Variants in ZNF71 observed in about 807,000 individuals in gnomAD.
ZNF71 encodes the protein endothelial zinc finger protein induced by tumor necrosis factor alpha.
A neutral mutation model predicts 6.7 loss-of-function variants in ZNF71; 3 were observed. The observed-to-expected ratio is 0.45, with a 90% CI of 0.20 to 1.16. The LOEUF (loss-of-function observed/expected upper bound fraction) is 1.16. ZNF71 is among the 50% of genes most tolerant of loss of function. The pLI is 0.25. For missense variants in ZNF71, 688 were observed against 728.6 expected (o/e 0.94, Z 0.64); for synonymous variants, 343 against 311.1 (o/e 1.10, Z -1.08).
In ZNF71 at chr19:56,595,338, T is replaced by A. The variant is rs1055101170; in HGVS notation, c.-143T>A. On this transcript the variant is annotated 5_prime_UTR_variant, in exon 1 of 4. Coordinates refer to ENST00000599599, the MANE Select transcript of ZNF71 (RefSeq NM_001370215.1). The stretch of plus-strand genomic sequence containing the variant: ...AGAGCGGCGAGCCGGTGAGTGTGGC[T>A]GCGGGGTCGCGCCCACCCTCTACCT... 1 of 152,656 alleles carries A rather than the reference T, an allele frequency of 6.6e-6. No homozygotes were observed. Among genetic ancestry groups the A allele is most frequent in the East Asian group, 1.9e-4 (1 of 5,166 alleles). 9.5% of individuals were successfully genotyped at this position (152,656 alleles called of 1,614,324 possible).
chr19:56,602,870 GTCTT>G (rs1367245078), intron 2 of ZNF71, among the ~76,000 whole-genome samples: 1 of 152,040 alleles, frequency 6.6e-6, no homozygotes, highest in Non-Finnish European at 1.5e-5. Flanking sequence ...CCACTGTGGT[GTCTT>G]TCTTCATCTT....
At chr19:56,621,135 T>G (rs2044841763) in intron 3 of ZNF71, 133 bp from the exon 4 acceptor site, 1 of 880,308 alleles carries the variant, frequency 1.1e-6, no homozygotes, top group Admixed American at 3.5e-5. Context: ...TCCAAGGTTC[T>G]TCTTTGCTAA....
rs1023720455 is a variant in ZNF71, at chr19:56,603,346, T to G, written c.33+1755T>G. 1.4e-4 allele frequency among the ~76,000 whole-genome samples: 22 copies of G among 152,236 alleles called. No homozygotes were observed. Among genetic ancestry groups the G allele is most frequent in the Non-Finnish European group, 2.5e-4 (17 of 68,038 alleles). ...GGTGTGGTCTTTTGTGACTGGCTTC[T>G]TTCACTCAGCATAATATTTGCAAGG... On this transcript the variant is annotated intron_variant, in intron 2 of 3. Transcript: ENST00000599599. This position sits in a 1 kb window ranked among gnomAD's most constrained non-coding sequence, Gnocchi z 4.6.
At chr19:56,600,626 A>G (rs1184844701) in intron 1 of ZNF71, among the ~76,000 whole-genome samples, 1 of 151,906 alleles carries the variant, frequency 6.6e-6, no homozygotes, top group African/African-American at 2.4e-5. Context: ...TTTAGCTCAC[A>G]CAAGTGAGAA....
Position 56,621,782 on chromosome 19 carries a change from G to A in ZNF71, c.675G>A (p.Lys225=). 2 of 1,614,054 alleles carry A rather than the reference G, an allele frequency of 1.2e-6. No individual in the cohort carries two copies. The highest frequency in any genetic ancestry group is 1.7e-6 in the Non-Finnish European group (2 of 1,180,032). The change falls in exon 4 of 4, where the codon AAG becomes AAA. Residue 225 remains lysine, a synonymous_variant. Coordinates refer to ENST00000599599, the MANE Select transcript of ZNF71 (RefSeq NM_001370215.1). ...EKPFECDTCG[K]HFIERSSLTI... ...CGTTTGAGTGTGACACCTGTGGGAAGCACTTCATCGAGCGCTCGTCCCTCA... is the reference window on the plus strand; with the variant it reads ...CGTTTGAGTGTGACACCTGTGGGAAACACTTCATCGAGCGCTCGTCCCTCA...
intron 2 of ZNF71, among the ~76,000 whole-genome samples, chr19:56,605,989 C>T (rs1254430299): frequency 1.3e-5 from 2 of 152,166 alleles, no homozygotes; most frequent in Non-Finnish European, 2.9e-5. Flanking sequence ...TGTGTGACCT[C>T]TTGTGCCTCA....
In ZNF71 at chr19:56,623,968, CA is replaced by C. The variant is rs1248577521; in HGVS notation, c.*1212del. On this transcript the variant is annotated 3_prime_UTR_variant, in exon 4 of 4. Transcript: ENST00000599599. ...ATATGTGAATACAGGGAAGCACCAA[CA>C]GACCATATCAGTAACTTCGAGTGAG... The C allele has an allele frequency of 6.0e-6, 1 of 167,132 alleles. No homozygotes were observed. Among genetic ancestry groups the C allele is most frequent in the African/African-American group, 2.4e-5 (1 of 41,476 alleles). 10.4% of individuals were successfully genotyped at this position (167,132 alleles called of 1,614,324 possible).
chr19:56,601,255 C>T (rs1861222), intron 1 of ZNF71, among the ~76,000 whole-genome samples: 105,166 of 151,854 alleles, frequency 0.69, 36,989 homozygotes, highest in East Asian at 1. Context: ...CGGGCCTCAG[C>T]CTCCTCATCT....
intron 1 of ZNF71, 48 bp from the exon 2 acceptor site, chr19:56,601,459 G>A (rs959071540): frequency 1.2e-6 from 1 of 867,184 alleles, no homozygotes; most frequent in Non-Finnish European, 1.4e-6. Context: ...TGTGAGGCCA[G>A]CCTAGGCCTG....
intron 1 of ZNF71, among the ~76,000 whole-genome samples, chr19:56,597,791 G>A (rs756642368): frequency 1.3e-5 from 2 of 152,126 alleles, no homozygotes; most frequent in South Asian, 2.1e-4. Flanking sequence ...ACTTTTACAC[G>A]GAGCTTTTAT....
In ZNF71 at chr19:56,621,852, G is replaced by C. The variant is rs767356203; in HGVS notation, c.745G>C (p.Gly249Arg). The change falls in exon 4 of 4, where the codon GGG (glycine) becomes CGG (arginine). Residue 249 changes from glycine (G) to arginine (R), a missense_variant. Coordinates refer to ENST00000599599, the MANE Select transcript of ZNF71 (RefSeq NM_001370215.1). ...CACGGGCGAGAAGCCCTATGCCTGC[G>C]GGGACTGCGGCAAGGCCTTCAGCCA... Reference protein sequence around the residue: ...VHTGEKPYACGDCGKAFSQRM... With the variant: ...VHTGEKPYACRDCGKAFSQRM... The C allele has an allele frequency of 3.1e-6, 5 of 1,612,042 alleles. No individual in the cohort carries two copies. The highest frequency in any genetic ancestry group is 4.2e-6 in the Non-Finnish European group (5 of 1,178,174).
intron 2 of ZNF71, among the ~76,000 whole-genome samples, chr19:56,608,798 GAC>G (rs2044728871): frequency 6.6e-6 from 1 of 152,170 alleles, no homozygotes; most frequent in South Asian, 2.1e-4. Context: ...TTCACATTTT[GAC>G]ACATTTCCTT....
At position 56,618,368 on chromosome 19, in the gene ZNF71, C is replaced by A. The variant is rs2044814160; in HGVS notation, c.161-2900C>A. Among the ~76,000 whole-genome samples the A allele has an allele frequency of 6.6e-6, 1 of 152,202 alleles. No homozygotes were observed. Among genetic ancestry groups the A allele is most frequent in the Admixed American group, 6.5e-5 (1 of 15,286 alleles). On this transcript the variant is annotated intron_variant, in intron 3 of 3. Transcript: ENST00000599599. The surrounding 1 kb of genome is among the most constrained non-coding windows in gnomAD (Gnocchi z 4.6). ...TTGTGAGGGTCTCCAGAGATCCGTG[C>A]AAATTGTTCAGCACTGTGCCAGGCG...
chr19:56,609,177 G>GA (rs1318244127), intron 2 of ZNF71, among the ~76,000 whole-genome samples: 6 of 152,146 alleles, frequency 3.9e-5, no homozygotes, highest in Non-Finnish European at 8.8e-5. Context: ...GCACCTATTT[G>GA]AAAATTAGTA....
chr19:56,608,446 A>AT (rs35502249), intron 2 of ZNF71, among the ~76,000 whole-genome samples: 11 of 148,784 alleles, frequency 7.4e-5, no homozygotes, highest in South Asian at 6.4e-4. Context: ...ATGTGTCAGA[A>AT]TTTTTTTTTT....
chr19:56,609,297 C>G (rs1198308980), intron 2 of ZNF71, among the ~76,000 whole-genome samples: 1 of 152,130 alleles, frequency 6.6e-6, no homozygotes, highest in Non-Finnish European at 1.5e-5. Context: ...GTATAATTCA[C>G]GTATCGTAAA....
At chr19:56,595,924 G>T (rs1167850995) in intron 1 of ZNF71, among the ~76,000 whole-genome samples, 1 of 147,384 alleles carries the variant, frequency 6.8e-6, no homozygotes, top group East Asian at 2.1e-4. Context: ...TCGTCCAGAG[G>T]CTGGGTCTGT....
rs1311245841 is a variant in ZNF71 at position 56,622,863 on chromosome 19, G to A, written c.*106G>A. 12 of 1,414,702 alleles carry A rather than the reference G, an allele frequency of 8.5e-6. No homozygotes were observed. Among genetic ancestry groups the A allele is most frequent in the Non-Finnish European group, 1.1e-5 (12 of 1,056,288 alleles). The allele number at this position is 1,414,702 out of a possible 1,614,324, so 87.6% of individuals were successfully genotyped here. On this transcript the variant is annotated 3_prime_UTR_variant, in exon 4 of 4. Coordinates refer to ENST00000599599, the MANE Select transcript of ZNF71 (RefSeq NM_001370215.1). ...AAGTTCTCCCCTGGGGTGGGGACTC[G>A]GGGTCAGGGGAGCTCAGGAATGTGG...
Position 56,598,942 on chromosome 19 carries a change from A to G in ZNF71, c.-52-2565A>G, listed in dbSNP as rs2044646302. Among the ~76,000 whole-genome samples, 1 of 152,178 alleles carries G rather than the reference A, an allele frequency of 6.6e-6. No homozygotes were observed. The highest frequency in any genetic ancestry group is 1.5e-5 in the Non-Finnish European group (1 of 68,036). ...TCACCTGGGAAACTTGCTTAGAAATACCGATTCAGGGGCCCTACCCAGGTA... is the reference window on the plus strand; with the variant it reads ...TCACCTGGGAAACTTGCTTAGAAATGCCGATTCAGGGGCCCTACCCAGGTA... On this transcript the variant is annotated intron_variant, in intron 1 of 3. Transcript: ENST00000599599. This position sits in a 1 kb window ranked among gnomAD's most constrained non-coding sequence, Gnocchi z 4.2.
Sources: allele counts gnomAD v4.1 joint callset (sites outside exome capture counted in the v4.1 genomes callset), GRCh38; gene constraint gnomAD v4.1.1; non-coding constraint Gnocchi (gnomAD v3.1); transcripts MANE v1.5; gene names NCBI Gene and HGNC (gene_info 2026-07-23, HGNC 2026-07-21).